Variants in PPP1R9A observed in about 807,000 individuals in gnomAD.
PPP1R9A encodes the protein neurabin-1.
Under a neutral mutation model 141.9 loss-of-function variants are expected in PPP1R9A, and 59 were observed. The ratio of observed to expected loss-of-function variants is 0.42; its 90% CI spans 0.34 to 0.52. PPP1R9A has a LOEUF of 0.52. Ranked by LOEUF, PPP1R9A falls within the 20% of genes least tolerant of loss-of-function variation. The pLI is 0.10. For synonymous variants in PPP1R9A, 500 were observed against 569.7 expected (o/e 0.88, Z 1.74); for missense variants, 1,444 against 1,611.9 (o/e 0.90, Z 1.78).
chr7:95,282,684 A>G (rs1804501371), intron 16 of PPP1R9A, among the ~76,000 whole-genome samples: 1 of 152,176 alleles, frequency 6.6e-6, no homozygotes, highest in African/African-American at 2.4e-5. Flanking sequence ...TTCCTCACCT[A>G]GAGTGTAGAC....
At chr7:95,189,833 T>C (rs1835231922) in intron 5 of PPP1R9A, among the ~76,000 whole-genome samples, 1 of 152,224 alleles carries the variant, frequency 6.6e-6, no homozygotes, top group South Asian at 2.1e-4. Flanking sequence ...CATTCAATTT[T>C]ATTGTCGAAA....
intron 16 of PPP1R9A, among the ~76,000 whole-genome samples, chr7:95,277,095 C>A (rs1803349220): frequency 6.6e-6 from 1 of 152,152 alleles, no homozygotes; most frequent in South Asian, 2.1e-4. Flanking sequence ...GGGAAGGATC[C>A]TTGGACTGAG....
chr7:95,171,434 CAT>C (rs988282886), intron 5 of PPP1R9A, among the ~76,000 whole-genome samples: 98 of 151,616 alleles, frequency 6.5e-4, no homozygotes, highest in Middle Eastern at 3.4e-3. Flanking sequence ...GTTTTGAAAA[CAT>C]AAAGTTAGTA....
intron 6 of PPP1R9A, chr7:95,202,560 TA>T: frequency 1.1e-6 from 1 of 879,410 alleles, no homozygotes; most frequent in Non-Finnish European, 1.4e-6. Context: ...TTTTTTTTAA[TA>T]ATCTGAAAGG....
At chr7:94,965,694 C>G (rs1241627897) in intron 2 of PPP1R9A, among the ~76,000 whole-genome samples, 6 of 152,122 alleles carry the variant, frequency 3.9e-5, no homozygotes, top group Non-Finnish European at 7.3e-5. Flanking sequence ...TTTTGGGTAG[C>G]AGTACCATGC....
At chr7:95,142,705 T>C (rs1397450458) in intron 4 of PPP1R9A, among the ~76,000 whole-genome samples, 2 of 152,070 alleles carry the variant, frequency 1.3e-5, no homozygotes, top group Non-Finnish European at 2.9e-5. Context: ...ATTAATTTTT[T>C]TAATGAGTGA....
intron 5 of PPP1R9A, among the ~76,000 whole-genome samples, chr7:95,175,285 T>TGGAC (rs1395455131): frequency 1.3e-5 from 2 of 151,328 alleles, no homozygotes; most frequent in Admixed American, 1.3e-4. Flanking sequence ...GATGGATGGA[T>TGGAC]GGATGGATGG....
At chr7:95,169,681 T>A (rs1406452904) in intron 5 of PPP1R9A, among the ~76,000 whole-genome samples, 2 of 151,896 alleles carry the variant, frequency 1.3e-5, no homozygotes, top group Admixed American at 6.6e-5. Flanking sequence ...TTAAAAAATT[T>A]AAAAATTAAT....
At chr7:95,041,241 A>G (rs541637033) in intron 2 of PPP1R9A, among the ~76,000 whole-genome samples, 1 of 152,294 alleles carries the variant, frequency 6.6e-6, no homozygotes, top group East Asian at 1.9e-4. Context: ...GAATCTCAAA[A>G]TGCTGATTTC....
At chr7:95,248,473 G>A (rs191259817) in intron 9 of PPP1R9A, among the ~76,000 whole-genome samples, 87 of 152,108 alleles carry the variant, frequency 5.7e-4, no homozygotes, top group Middle Eastern at 3.4e-3. Context: ...GTCCAGCTCC[G>A]TGAATAATAA....
intron 16 of PPP1R9A, among the ~76,000 whole-genome samples, chr7:95,276,527 GA>G (rs1554594904): frequency 1.3e-5 from 2 of 152,136 alleles, no homozygotes; most frequent in Admixed American, 6.5e-5. Flanking sequence ...TCAGCAGTCA[GA>G]AATTATTGTA....
At chr7:94,973,389 T>C (rs77548778) in intron 2 of PPP1R9A, among the ~76,000 whole-genome samples, 1,856 of 152,296 alleles carry the variant, frequency 0.012, 18 homozygotes, top group Non-Finnish European at 0.018. Flanking sequence ...AATGATGTCA[T>C]GTGTTGAGAA....
intron 5 of PPP1R9A, among the ~76,000 whole-genome samples, chr7:95,186,525 T>C (rs1245609124): frequency 6.6e-6 from 1 of 152,170 alleles, no homozygotes; most frequent in Non-Finnish European, 1.5e-5. Context: ...TTTGTCTGAT[T>C]GCTATGGCTA....
intron 3 of PPP1R9A, among the ~76,000 whole-genome samples, chr7:95,115,224 T>C (rs1170842041): frequency 6.6e-6 from 1 of 152,162 alleles, no homozygotes; most frequent in East Asian, 1.9e-4. Context: ...AAGAAAAATA[T>C]ATAGTGTTAC....
intron 7 of PPP1R9A, among the ~76,000 whole-genome samples, chr7:95,217,501 G>A (rs1031766664): frequency 1.3e-5 from 2 of 152,154 alleles, no homozygotes; most frequent in African/African-American, 2.4e-5. Flanking sequence ...AGTTAGGGAG[G>A]ATTCCCTCTT....
intron 16 of PPP1R9A, among the ~76,000 whole-genome samples, chr7:95,280,480 T>G (rs1489181231): frequency 6.6e-6 from 1 of 152,188 alleles, no homozygotes; most frequent in Non-Finnish European, 1.5e-5. Context: ...CAGGATACAC[T>G]GGATTCAAGA....
At chr7:94,952,366 G>GGGTT (rs1563038395) in intron 2 of PPP1R9A, among the ~76,000 whole-genome samples, 1 of 152,120 alleles carries the variant, frequency 6.6e-6, no homozygotes, top group South Asian at 2.1e-4. Flanking sequence ...ATGGGCATTT[G>GGGTT]GGTTGGTTCC....
At chr7:94,992,761 A>G (rs1801678667) in intron 2 of PPP1R9A, among the ~76,000 whole-genome samples, 1 of 152,102 alleles carries the variant, frequency 6.6e-6, no homozygotes, top group Non-Finnish European at 1.5e-5. Context: ...TTGCAATCAT[A>G]TGTGTATCTT....
chr7:95,050,686 A>T (rs774296058), intron 2 of PPP1R9A, among the ~76,000 whole-genome samples: 1 of 152,212 alleles, frequency 6.6e-6, no homozygotes, highest in Non-Finnish European at 1.5e-5. Context: ...AGATTGTGCC[A>T]TTGCACTCCA....
Sources: gnomAD v4.1 joint callset for allele counts (sites outside exome capture counted in the v4.1 genomes callset) on GRCh38, gnomAD v4.1.1 for gene constraint, MANE v1.5 for transcripts, NCBI Gene and HGNC (gene_info 2026-07-23, HGNC 2026-07-21) for gene names.